SHISA9: variants seen among roughly 807,000 people sequenced by gnomAD.
SHISA9 encodes shisa family member 9.
In SHISA9, 13 loss-of-function variants were observed where a neutral mutation model predicts 38.0. The ratio of observed to expected loss-of-function variants is 0.34; its 90% CI spans 0.22 to 0.54. The LOEUF (loss-of-function observed/expected upper bound fraction) is 0.54. Ranked by LOEUF, SHISA9 falls within the 20% of genes least tolerant of loss-of-function variation. The pLI is 0.91. For missense variants in SHISA9, 538 were observed against 575.8 expected (o/e 0.93, Z 0.67); for synonymous variants, 275 against 242.0 (o/e 1.14, Z -1.27).
intron 2 of SHISA9, among the ~76,000 whole-genome samples, chr16:13,066,284 T>C (rs1244411770): frequency 6.6e-6 from 1 of 152,240 alleles, no homozygotes; most frequent in African/African-American, 2.4e-5. Context: ...CTCTAGGGAC[T>C]TAGGGGCTAT....
chr16:13,324,731 G>T, the SHISA9 span, among the ~76,000 whole-genome samples: 15,490 of 152,208 alleles, frequency 0.1, 868 homozygotes, highest in South Asian at 0.22. Context: ...AAGGACCATA[G>T]CCCGTGACAC....
chr16:13,299,945 G>C, the SHISA9 span, among the ~76,000 whole-genome samples: 114 of 152,250 alleles, frequency 7.5e-4, 2 homozygotes, highest in Non-Finnish European at 1.6e-4. Context: ...GATTCAATGA[G>C]ATAGTGCACA....
intron 2 of SHISA9, among the ~76,000 whole-genome samples, chr16:13,062,146 T>TAC (rs1299660172): frequency 9.9e-5 from 15 of 152,044 alleles, no homozygotes; most frequent in Non-Finnish European, 2.9e-5. Flanking sequence ...ACGGGTGGCA[T>TAC]TTTAGTGGAA....
At chr16:13,081,701 T>C (rs2073651633) in intron 2 of SHISA9, among the ~76,000 whole-genome samples, 1 of 151,982 alleles carries the variant, frequency 6.6e-6, no homozygotes, top group Non-Finnish European at 1.5e-5. Context: ...TAGAGGGTTT[T>C]TATTAGCTGG....
the SHISA9 span, among the ~76,000 whole-genome samples, chr16:13,514,712 C>G: frequency 2.0e-5 from 3 of 152,152 alleles, no homozygotes; most frequent in Non-Finnish European, 4.4e-5. Flanking sequence ...TGGCCTAATA[C>G]ATGTGTGATT....
rs1265670441 is a variant in SHISA9, at chr16:12,970,404, CAT to C, written c.691+53601_691+53602del. On this transcript the variant is annotated intron_variant, in intron 2 of 4. Coordinates refer to ENST00000558583, the MANE Select transcript of SHISA9 (RefSeq NM_001145204.3). ...ATACATATATGTATATATATATATACATATATATATATACACATATATGTATA... is the reference window on the plus strand; with the variant it reads ...ATACATATATGTATATATATATATACATATATATATACACATATATGTATA... Among the ~76,000 whole-genome samples the C allele has an allele frequency of 9.4e-3, 110 of 11,724 alleles. 6 individuals are homozygous for C. The highest frequency in any genetic ancestry group is 0.071 in the Middle Eastern group (1 of 14). The allele number at this position is 11,724 out of a possible 152,430, so 7.7% of individuals were successfully genotyped here. A position where few individuals can be genotyped will look rare whatever the true frequency, so the allele number is the denominator to read the frequency against.
At chr16:13,088,359 T>A (rs180939423) in intron 2 of SHISA9, among the ~76,000 whole-genome samples, 1 of 152,226 alleles carries the variant, frequency 6.6e-6, no homozygotes, top group African/African-American at 2.4e-5. Context: ...AGAAAGTCAT[T>A]GGTAGCTTGA....
At chr16:12,928,032 T>C (rs275394) in intron 2 of SHISA9, among the ~76,000 whole-genome samples, 124,423 of 152,246 alleles carry the variant, frequency 0.82, 51,566 homozygotes, top group African/African-American at 0.94. Flanking sequence ...AAACAATTGC[T>C]TTCATTTCAC....
chr16:13,145,417 C>T (rs2050438661), intron 2 of SHISA9, among the ~76,000 whole-genome samples: 1 of 152,148 alleles, frequency 6.6e-6, no homozygotes, highest in Non-Finnish European at 1.5e-5. Flanking sequence ...ATCCCAGCTA[C>T]TCGGGAGGCT....
At chr16:13,297,756 T>C in the SHISA9 span, among the ~76,000 whole-genome samples, 1 of 152,174 alleles carries the variant, frequency 6.6e-6, no homozygotes, top group Admixed American at 6.5e-5. Flanking sequence ...TTCTTTCTTT[T>C]TTTTTCTTTC....
intron 4 of SHISA9, among the ~76,000 whole-genome samples, chr16:13,234,670 C>G (rs1002888248): frequency 3.9e-5 from 6 of 152,296 alleles, no homozygotes; most frequent in African/African-American, 1.4e-4. Flanking sequence ...ACTCTTTTCT[C>G]TAATGAAAAT....
chr16:13,004,553 T>C (rs1372166464), intron 2 of SHISA9, among the ~76,000 whole-genome samples: 2 of 152,158 alleles, frequency 1.3e-5, no homozygotes, highest in African/African-American at 4.8e-5. Flanking sequence ...ATGCTTGGTG[T>C]AGAGTGGACT....
chr16:13,178,344 T>C (rs1319793821), intron 2 of SHISA9, among the ~76,000 whole-genome samples: 6 of 151,836 alleles, frequency 4.0e-5, no homozygotes, highest in Admixed American at 3.9e-4. Flanking sequence ...TTTTTTTCTT[T>C]TCATCTGTTA....
intron 4 of SHISA9, among the ~76,000 whole-genome samples, chr16:13,228,533 G>A (rs1436757169): frequency 6.6e-6 from 1 of 152,162 alleles, no homozygotes; most frequent in Non-Finnish European, 1.5e-5. Flanking sequence ...CTGGTCTGAT[G>A]TCTGGAAAGA....
intron 2 of SHISA9, among the ~76,000 whole-genome samples, chr16:13,179,777 C>A (rs1268430286): frequency 6.6e-6 from 1 of 152,170 alleles, no homozygotes; most frequent in Non-Finnish European, 1.5e-5. Context: ...GAGATGGGGC[C>A]ATTGAATGGG....
At chr16:13,510,756 G>A in the SHISA9 span, among the ~76,000 whole-genome samples, 4 of 151,280 alleles carry the variant, frequency 2.6e-5, no homozygotes, top group African/African-American at 9.7e-5. Context: ...GCTTTATTCT[G>A]TGTAGTTTAT....
At chr16:13,542,994 C>A in the SHISA9 span, among the ~76,000 whole-genome samples, 1 of 152,188 alleles carries the variant, frequency 6.6e-6, no homozygotes, top group Non-Finnish European at 1.5e-5. Flanking sequence ...TCTGTCTGAT[C>A]CCAGAGCTTG....
At chr16:13,463,769 A>C in the SHISA9 span, among the ~76,000 whole-genome samples, 2 of 152,206 alleles carry the variant, frequency 1.3e-5, no homozygotes, top group Admixed American at 6.5e-5. Context: ...GCTAATCAGC[A>C]GGCAAAGAAT....
At chr16:13,401,148 T>C in the SHISA9 span, among the ~76,000 whole-genome samples, 3 of 152,242 alleles carry the variant, frequency 2.0e-5, no homozygotes, top group Non-Finnish European at 4.4e-5. Flanking sequence ...ATAGAATTTG[T>C]TGAGTGCCTA....
Sources: gnomAD v4.1 joint callset for allele counts (sites outside exome capture counted in the v4.1 genomes callset) on GRCh38, gnomAD v4.1.1 for gene constraint, MANE v1.5 for transcripts, NCBI Gene and HGNC (gene_info 2026-07-23, HGNC 2026-07-21) for gene names.